The following NR3C2 variants were observed in gnomAD, a reference collection of about 807,000 sequenced individuals.
The protein encoded by NR3C2 is nuclear receptor subfamily 3 group C member 2, also known as mineralocorticoid receptor.
NR3C2 carries 15 observed loss-of-function variants against 86.4 expected under a neutral mutation model. The ratio of observed to expected loss-of-function variants is 0.17; its 90% confidence interval spans 0.12 to 0.27. The LOEUF is 0.27. NR3C2 is among the 10% of genes least tolerant of loss of function. NR3C2 has a pLI of 1.00. For missense variants in NR3C2, 960 were observed against 1,195.6 expected, an observed-to-expected ratio of 0.80 and a Z score of 2.91; for synonymous variants, 458 against 450.5, an observed-to-expected ratio of 1.02 and a Z score of -0.21.
At chr4:148,286,382 C>A (rs745663683) in intron 2 of NR3C2, among the ~76,000 whole-genome samples, 2 of 152,116 alleles carry the variant, frequency 1.3e-5, no homozygotes, top group Non-Finnish European at 2.9e-5. Context: ...AAAAAAAAAT[C>A]TGATTAAATG....
chr4:148,438,615 C>A (rs984972158), intron 1 of NR3C2, among the ~76,000 whole-genome samples: 88 of 151,558 alleles, frequency 5.8e-4, no homozygotes, highest in African/African-American at 1.9e-3. Flanking sequence ...TAAAAAAAAA[C>A]AAAAAACACG....
chr4:148,285,384 C>G (rs1420698453), intron 2 of NR3C2, among the ~76,000 whole-genome samples: 1 of 152,102 alleles, frequency 6.6e-6, no homozygotes, highest in Admixed American at 6.6e-5. Flanking sequence ...TAGAAAAGTC[C>G]AGAAAATATA....
In NR3C2 at chr4:148,378,380, C is replaced by CA. The variant is rs372658464; in HGVS notation, c.1757+56723dup. Among the ~76,000 whole-genome samples, 529 of 143,846 alleles carry CA rather than the reference C, an allele frequency of 3.7e-3. 3 individuals carry two copies. The highest frequency in any genetic ancestry group is 0.011 in the Middle Eastern group (3 of 280). The allele number at this position is 143,846 out of a possible 152,430, so 94.4% of individuals were successfully genotyped here. A position where few individuals can be genotyped will look rare whatever the true frequency, so the allele number is the denominator to read the frequency against. On this transcript the variant is annotated intron_variant, in intron 2 of 8. Coordinates refer to ENST00000358102, the MANE Select transcript of NR3C2 (RefSeq NM_000901.5). ...ATATACACCCCACACCCACCTCCAC[C>CA]AAAAAAAAAAAAATATACACACCCT...
At chr4:148,369,555 T>C (rs1196002795) in intron 2 of NR3C2, among the ~76,000 whole-genome samples, 1 of 152,208 alleles carries the variant, frequency 6.6e-6, no homozygotes, top group Non-Finnish European at 1.5e-5. Context: ...CTAAGAGATC[T>C]GAAAAGTGAT....
intron 2 of NR3C2, among the ~76,000 whole-genome samples, chr4:148,383,727 A>C (rs1747116442): frequency 2.0e-5 from 3 of 152,026 alleles, no homozygotes; most frequent in Non-Finnish European, 4.4e-5. Flanking sequence ...CCGAGGGTGG[A>C]TCATGAGGTC....
At position 148,241,391 on chromosome 4, in the gene NR3C2, T is replaced by C. The variant is rs1370750753; in HGVS notation, c.1897+18587A>G. 6.1e-5 allele frequency among the ~76,000 whole-genome samples: 9 copies of C among 148,208 alleles called. 2 individuals are homozygous for C. In the South Asian group the frequency reaches 1.9e-3, roughly 32 times the overall value. On this transcript the variant is annotated intron_variant, in intron 3 of 8. Coordinates refer to ENST00000358102, the MANE Select transcript of NR3C2 (RefSeq NM_000901.5). ...GGCTTTGAGGCCCTACATGATCTAG[T>C]AAAACTTAAGTCTCTGCCCCAACTC...
At chr4:148,192,149 C>T (rs1316544227) in intron 4 of NR3C2, among the ~76,000 whole-genome samples, 1 of 152,208 alleles carries the variant, frequency 6.6e-6, no homozygotes, top group African/African-American at 2.4e-5. Context: ...CTGAAAGCTG[C>T]TGTTCAGATT....
At chr4:148,235,228 T>C (rs1288934535) in intron 3 of NR3C2, among the ~76,000 whole-genome samples, 1 of 150,506 alleles carries the variant, frequency 6.6e-6, no homozygotes, top group Admixed American at 6.7e-5. Context: ...GGATTATTCT[T>C]TTAATAATAG....
At chr4:148,382,857 G>A (rs1446906564) in intron 2 of NR3C2, among the ~76,000 whole-genome samples, 2 of 152,042 alleles carry the variant, frequency 1.3e-5, no homozygotes, top group Middle Eastern at 3.2e-3. Flanking sequence ...ATCTCACGAA[G>A]GAAGCTGAGT....
At chr4:148,186,992 GTATGTATATA>G (rs1560967227) in intron 4 of NR3C2, among the ~76,000 whole-genome samples, 1 of 10,366 alleles carries the variant, frequency 9.6e-5, no homozygotes, top group African/African-American at 1.3e-3. Flanking sequence ...ATGTGTGTAT[GTATGTATATA>G]TATATATATA....
intron 2 of NR3C2, among the ~76,000 whole-genome samples, chr4:148,323,047 A>T (rs1441254954): frequency 6.8e-6 from 1 of 147,506 alleles, no homozygotes; most frequent in Non-Finnish European, 1.5e-5. Context: ...TGATGTACAG[A>T]TGGGTTTTTG....
intron 2 of NR3C2, among the ~76,000 whole-genome samples, chr4:148,351,880 A>T (rs1369142298): frequency 6.6e-6 from 1 of 152,176 alleles, no homozygotes; most frequent in Non-Finnish European, 1.5e-5. Context: ...CTTAAAATGC[A>T]GTCCCCCCAT....
At chr4:148,163,170 G>A (rs574436553) in intron 4 of NR3C2, among the ~76,000 whole-genome samples, 46 of 152,304 alleles carry the variant, frequency 3.0e-4, no homozygotes, top group Admixed American at 6.5e-4. Context: ...ATGTGTTATG[G>A]AGAAAGCTTG....
At chr4:148,293,926 G>A (rs1741916219) in intron 2 of NR3C2, among the ~76,000 whole-genome samples, 1 of 152,114 alleles carries the variant, frequency 6.6e-6, no homozygotes, top group Non-Finnish European at 1.5e-5. Flanking sequence ...TTGCATCAGA[G>A]GGAAATTCTC....
chr4:148,088,204 GTTA>G (rs1560914014), intron 8 of NR3C2, among the ~76,000 whole-genome samples: 1 of 152,182 alleles, frequency 6.6e-6, no homozygotes, highest in Admixed American at 6.5e-5. Flanking sequence ...TAAAAAGTTA[GTTA>G]GGAAACAACA....
intron 8 of NR3C2, among the ~76,000 whole-genome samples, chr4:148,108,890 C>A (rs1021853889): frequency 6.6e-6 from 1 of 152,168 alleles, no homozygotes; most frequent in Admixed American, 6.5e-5. Context: ...AATTCCAGAA[C>A]GTGCCAGGGA....
At chr4:148,225,086 T>C (rs982552006) in intron 3 of NR3C2, among the ~76,000 whole-genome samples, 1 of 152,178 alleles carries the variant, frequency 6.6e-6, no homozygotes, top group Non-Finnish European at 1.5e-5. Flanking sequence ...CTGGACAAAC[T>C]AGAAGACATG....
intron 2 of NR3C2, among the ~76,000 whole-genome samples, chr4:148,418,836 T>C (rs954305906): frequency 5.3e-5 from 8 of 152,310 alleles, no homozygotes; most frequent in African/African-American, 1.9e-4. Flanking sequence ...TTAGAGAGGA[T>C]AGGTAACTTG....
At chr4:148,120,950 C>T (rs150943502) in intron 6 of NR3C2, among the ~76,000 whole-genome samples, 2 of 152,294 alleles carry the variant, frequency 1.3e-5, no homozygotes, top group East Asian at 3.9e-4. Flanking sequence ...CACCACTATC[C>T]AAATGCTTCC....
Sources: allele counts gnomAD v4.1 joint callset (sites outside exome capture counted in the v4.1 genomes callset), GRCh38; gene constraint gnomAD v4.1.1; transcripts MANE v1.5; gene names NCBI Gene and HGNC (gene_info 2026-07-23, HGNC 2026-07-21).